Variants in SYT6 observed in about 807,000 individuals in gnomAD.
SYT6 encodes synaptotagmin-6.
SYT6 carries 24 observed loss-of-function variants against 38.4 expected under a neutral mutation model. The observed-to-expected ratio is 0.62, with a 90% confidence interval of 0.45 to 0.88. The LOEUF (loss-of-function observed/expected upper bound fraction) is 0.88, where lower values mean the gene tolerates loss of function less well. SYT6 is among the 40% of genes least tolerant of loss of function. SYT6 has a pLI of 0.00. For missense variants in SYT6, 611 were observed against 621.0 expected, an observed-to-expected ratio of 0.98 and a Z score of 0.17; for synonymous variants, 265 against 241.9, an observed-to-expected ratio of 1.10 and a Z score of -0.89.
In SYT6 at chr1:114,092,046, A is replaced by G; in HGVS notation, c.*88T>C. On this transcript the variant is annotated 3_prime_UTR_variant, in exon 8 of 8. Coordinates refer to ENST00000610222, the MANE Select transcript of SYT6 (RefSeq NM_001253772.2). ...GGAGGTGGTTTCGGAGATGGGCACG[A>G]GCTCTCACTGTCGAAGCTAGCAGCT... is the stretch of plus-strand genomic sequence containing the variant. The G allele has an allele frequency of 6.5e-7, 1 of 1,536,262 alleles. No homozygotes were observed. The highest frequency in any genetic ancestry group is 8.7e-7 in the Non-Finnish European group (1 of 1,146,896).
intron 1 of SYT6, among the ~76,000 whole-genome samples, chr1:114,149,229 G>A (rs1194080421): frequency 1.3e-5 from 2 of 149,750 alleles, no homozygotes; most frequent in Non-Finnish European, 3.0e-5. Flanking sequence ...GTGTGTGTGT[G>A]TGTGTGTGTG....
At chr1:114,121,128 T>A (rs1383211969) in intron 3 of SYT6, among the ~76,000 whole-genome samples, 3 of 152,158 alleles carry the variant, frequency 2.0e-5, no homozygotes, top group Non-Finnish European at 2.9e-5. Context: ...GAGAGTCTTC[T>A]GGGATCTCAA....
At chr1:114,138,585 G>C (rs866324578) in intron 2 of SYT6, among the ~76,000 whole-genome samples, 1 of 152,296 alleles carries the variant, frequency 6.6e-6, no homozygotes, top group African/African-American at 2.4e-5. Flanking sequence ...TGAGATCTTG[G>C]GAAAGTTATT....
intron 1 of SYT6, among the ~76,000 whole-genome samples, chr1:114,150,762 C>G (rs185373614): frequency 6.6e-6 from 1 of 152,220 alleles, no homozygotes; most frequent in East Asian, 1.9e-4. Flanking sequence ...GAATAGCAGG[C>G]CTATGGCTTC....
At chr1:114,122,329 C>T (rs989798517) in intron 3 of SYT6, among the ~76,000 whole-genome samples, 1 of 152,198 alleles carries the variant, frequency 6.6e-6, no homozygotes, top group Non-Finnish European at 1.5e-5. Context: ...CTTTTCCAAA[C>T]AGAATTTCTT....
intron 3 of SYT6, among the ~76,000 whole-genome samples, chr1:114,129,029 T>C (rs902876239): frequency 1.3e-5 from 2 of 152,150 alleles, no homozygotes; most frequent in Non-Finnish European, 2.9e-5. Flanking sequence ...GTCCAAAAGG[T>C]ATCTCAAATA....
At chr1:114,141,340 A>G (rs11581004) in intron 1 of SYT6, among the ~76,000 whole-genome samples, 45,295 of 152,180 alleles carry the variant, frequency 0.3, 7,013 homozygotes, top group Middle Eastern at 0.44. Flanking sequence ...TGATGTGAAG[A>G]GAGCTTTAGT....
intron 3 of SYT6, among the ~76,000 whole-genome samples, chr1:114,136,552 G>C (rs1023282886): frequency 2.0e-5 from 3 of 152,182 alleles, no homozygotes; most frequent in African/African-American, 7.2e-5. Context: ...CAGACCGAAG[G>C]GCTCCAGATG....
chr1:114,153,146 C>T (rs778462409), intron 1 of SYT6, among the ~76,000 whole-genome samples: 3 of 152,190 alleles, frequency 2.0e-5, no homozygotes, highest in Non-Finnish European at 4.4e-5. Flanking sequence ...CCGCGTTCAC[C>T]GCGAGAACAC....
intron 1 of SYT6, among the ~76,000 whole-genome samples, chr1:114,148,063 G>A (rs1679245038): frequency 6.6e-6 from 1 of 152,192 alleles, no homozygotes; most frequent in Non-Finnish European, 1.5e-5. Flanking sequence ...GATAGGATCT[G>A]CTTGTCACCT....
chr1:114,134,744 C>T (rs1678376764), intron 3 of SYT6, among the ~76,000 whole-genome samples: 1 of 152,164 alleles, frequency 6.6e-6, no homozygotes, highest in African/African-American at 2.4e-5. Context: ...CTGCCAGATT[C>T]CTGAGCTCAG....
intron 6 of SYT6, among the ~76,000 whole-genome samples, chr1:114,094,845 A>G (rs1397373649): frequency 1.3e-5 from 2 of 152,258 alleles, no homozygotes; most frequent in Non-Finnish European, 2.9e-5. Context: ...CAGAACGGGA[A>G]CGAAAAGAAG....
intron 3 of SYT6, among the ~76,000 whole-genome samples, chr1:114,128,354 G>C (rs779206626): frequency 6.6e-6 from 1 of 152,298 alleles, no homozygotes; most frequent in South Asian, 2.1e-4. Flanking sequence ...GGTAGTCTTG[G>C]CCTGAATTGC....
At position 114,093,794 on chromosome 1, in the gene SYT6, G is replaced by A. The variant is rs201785218; in HGVS notation, c.1525C>T (p.Arg509Trp). 23 of 1,614,082 alleles carry A rather than the reference G, an allele frequency of 1.4e-5. No individual in the cohort carries two copies. The highest frequency in any genetic ancestry group is 1.3e-4 in the African/African-American group (10 of 75,020). Reference sequence around the variant, plus strand: ...CATCCACGTGAATGAAATCACAACCGAGGGTTTCCCTGGTGAAATATTTTA... The same window carrying A: ...CATCCACGTGAATGAAATCACAACCAAGGGTTTCCCTGGTGAAATATTTTA... ...VKKSFKEGNP[R>W]L Residue 509 changes from arginine (R) to tryptophan (W), a missense_variant, in exon 7 of 8, where the codon CGG becomes TGG. Physicochemically the swap from Arg to Trp is moderately radical, Grantham distance 101 (BLOSUM62 -3). Transcript: ENST00000610222.
intron 3 of SYT6, among the ~76,000 whole-genome samples, chr1:114,128,108 C>T (rs1481831463): frequency 1.3e-5 from 2 of 152,196 alleles, no homozygotes; most frequent in African/African-American, 2.4e-5. Flanking sequence ...CATGGTTTGG[C>T]CTGGGGAGCA....
Position 114,137,856 on chromosome 1 carries a change from A to G in SYT6, c.710T>C (p.Leu237Pro). The change falls in exon 3 of 8, where the codon CTA (leucine) becomes CCA (proline). Residue 237 changes from leucine to proline, a missense_variant. Transcript: ENST00000610222. ...GGTCTCGGTCTCGTAATCGTAGCGT[A>G]GGCTGAAGTTGATCTTCCCGCAGCT... The part of the protein sequence containing the change: ...TKSCGKINFS[L>P]RYDYETETLI... The G allele has an allele frequency of 1.9e-6, 3 of 1,614,058 alleles. No individual in the cohort carries two copies. The highest frequency in any genetic ancestry group is 2.5e-6 in the Non-Finnish European group (3 of 1,180,016).
chr1:114,102,290 A>G (rs565882655), intron 4 of SYT6, among the ~76,000 whole-genome samples: 16 of 152,216 alleles, frequency 1.1e-4, no homozygotes, highest in Non-Finnish European at 2.1e-4. Context: ...AGCTTTTCCC[A>G]GGCCAGAAGA....
intron 3 of SYT6, among the ~76,000 whole-genome samples, chr1:114,133,021 C>T (rs555967): frequency 0.42 from 64,370 of 151,712 alleles, 14,858 homozygotes; most frequent in South Asian, 0.63. Flanking sequence ...AGAGGCTATT[C>T]TACCATTTAA....
At chr1:114,117,244 C>T (rs149932658) in intron 3 of SYT6, among the ~76,000 whole-genome samples, 3 of 152,316 alleles carry the variant, frequency 2.0e-5, no homozygotes, top group African/African-American at 7.2e-5. Context: ...TGCCTTTCGC[C>T]CTGATTTACA....
Sources: allele counts gnomAD v4.1 joint callset (sites outside exome capture counted in the v4.1 genomes callset), GRCh38; gene constraint gnomAD v4.1.1; transcripts MANE v1.5; gene names NCBI Gene and HGNC (gene_info 2026-07-23, HGNC 2026-07-21).